CYLD: variants seen among roughly 807,000 people sequenced by gnomAD.
CYLD encodes the protein CYLD lysine 63 deubiquitinase.
A neutral mutation model predicts 104.5 loss-of-function variants in CYLD; 26 were observed. That is an observed-to-expected ratio of 0.25 (90% confidence interval 0.18 to 0.35). CYLD has a LOEUF of 0.35. Ranked by LOEUF, CYLD falls within the 10% of genes least tolerant of loss-of-function variation. The pLI, the probability that CYLD is intolerant of heterozygous loss-of-function variation, is 1.00. For synonymous variants in CYLD, 385 were observed against 399.9 expected (o/e 0.96, Z 0.45); for missense variants, 703 against 1,136.1 (o/e 0.62, Z 5.48).
chr16:50,774,745 C>T (rs968433953), intron 5 of CYLD, among the ~76,000 whole-genome samples: 2 of 152,144 alleles, frequency 1.3e-5, no homozygotes, highest in African/African-American at 2.4e-5. Flanking sequence ...TTAAAACTTA[C>T]GAATTGTCTG....
intron 7 of CYLD, among the ~76,000 whole-genome samples, chr16:50,776,852 G>C (rs904074814): frequency 6.6e-6 from 1 of 152,156 alleles, no homozygotes; most frequent in African/African-American, 2.4e-5. Flanking sequence ...ACTCAGATGC[G>C]AGTTAGGAAA....
rs1178441243 is a variant in CYLD at position 50,787,858 on chromosome 16, C to A, written c.2108+6C>A. The A allele has an allele frequency of 6.9e-7, 1 of 1,451,340 alleles. No homozygotes were observed. Among genetic ancestry groups the A allele is most frequent in the Non-Finnish European group, 9.6e-7 (1 of 1,037,018 alleles). 89.9% of individuals were successfully genotyped at this position (1,451,340 alleles called of 1,614,324 possible). On this transcript the variant is annotated splice_donor_region_variant and intron_variant, in intron 14 of 18. Transcript: ENST00000427738. ...GAACCTTTGCTAAAAATAAGGTAAC[C>A]TTTAAATTGTTCTAGAAGCATTGGA... is the stretch of plus-strand genomic sequence containing the variant.
chr16:50,790,237 A>G (rs1256862141), intron 14 of CYLD, among the ~76,000 whole-genome samples: 1 of 152,242 alleles, frequency 6.6e-6, no homozygotes, highest in Non-Finnish European at 1.5e-5. Context: ...TCAGTAAAAC[A>G]AAACTGAGTT....
At position 50,779,821 on chromosome 16, in the gene CYLD, G is replaced by A. The variant is rs772664801; in HGVS notation, c.1295G>A (p.Ser432Asn). ...SLTKMPNTNG[S>N]IGHSPLSLSA... ...ACCAAGATGCCCAATACCAATGGAA[G>A]TATTGGCCACAGTCCACTTTCTCTG... Residue 432 changes from serine (S) to asparagine (N), a missense_variant, in exon 9 of 19, where the codon AGT becomes AAT. Coordinates refer to ENST00000427738, the MANE Select transcript of CYLD (RefSeq NM_001378743.1). 19 of 1,613,472 alleles carry A rather than the reference G, an allele frequency of 1.2e-5. No individual in the cohort carries two copies. Among genetic ancestry groups the A allele is most frequent in the Non-Finnish European group, 2.5e-6 (3 of 1,179,946 alleles).
chr16:50,775,840 T>C (rs1567443070), intron 6 of CYLD, among the ~76,000 whole-genome samples: 1 of 152,180 alleles, frequency 6.6e-6, no homozygotes, highest in Non-Finnish European at 1.5e-5. Context: ...ATTTGGGAAA[T>C]GCTGTAAAAA....
intron 2 of CYLD, among the ~76,000 whole-genome samples, chr16:50,745,362 G>GTTTTTTTTTTTTTTTTTTTTT (rs535675323): frequency 1.3e-5 from 1 of 78,754 alleles, no homozygotes; most frequent in Non-Finnish European, 2.3e-5. Context: ...TTTCCTCTTT[G>GTTTTTTTTTTTTTTTTTTTTT]TTTTTTTTTT....
intron 5 of CYLD, among the ~76,000 whole-genome samples, chr16:50,760,454 A>C (rs1358656308): frequency 1.3e-5 from 2 of 152,110 alleles, no homozygotes; most frequent in Non-Finnish European, 2.9e-5. Context: ...CACTAGTCAC[A>C]GTTTTTATGA....
At chr16:50,782,941 T>TTTC (rs1970395400) in intron 11 of CYLD, among the ~76,000 whole-genome samples, 2 of 139,440 alleles carry the variant, frequency 1.4e-5, no homozygotes, top group African/African-American at 5.6e-5. Context: ...TTTTTTTTTT[T>TTTC]TGAGACAGAG....
chr16:50,754,870 C>T (rs933507228), intron 5 of CYLD, among the ~76,000 whole-genome samples: 10 of 139,084 alleles, frequency 7.2e-5, no homozygotes, highest in Non-Finnish European at 1.2e-4. Flanking sequence ...TACACACACA[C>T]ATATGTATAT....
chr16:50,751,858 T>C lies in CYLD; in HGVS notation c.759T>C (p.Asp253=), dbSNP rs372020998. ...AATCTGGAACAGTTATATTCTGTGA[T>C]GTTTTGCCAGGAAAAGAAAGCTTAG... ...TIESGTVIFC[D]VLPGKESLGY... The change falls in exon 4 of 19, where the codon GAT becomes GAC. Residue 253 remains aspartate, a synonymous_variant. Transcript: ENST00000427738. 1.9e-6 allele frequency: 3 copies of C among 1,613,076 alleles called. No individual in the cohort carries two copies. The highest frequency in any genetic ancestry group is 2.5e-6 in the Non-Finnish European group (3 of 1,179,446).
chr16:50,755,006 CAT>C (rs1329325289), intron 5 of CYLD, among the ~76,000 whole-genome samples: 16 of 10,894 alleles, frequency 1.5e-3, no homozygotes, highest in Admixed American at 2.6e-3. Flanking sequence ...TGTATATATA[CAT>C]ATATATGTAT....
intron 8 of CYLD, 86 bp downstream of exon 8, chr16:50,778,027 G>A (rs767188037): frequency 5.0e-6 from 4 of 800,220 alleles, no homozygotes; most frequent in Non-Finnish European, 8.7e-6. Flanking sequence ...AATATTTGTA[G>A]TTTTTGGAAA....
chr16:50,780,049 TTTAAC>T lies in CYLD; in HGVS notation c.1518+8_1518+12del, dbSNP rs1970063385. The T allele has an allele frequency of 1.2e-6, 2 of 1,613,952 alleles. No homozygotes were observed. Among genetic ancestry groups the T allele is most frequent in the Middle Eastern group, 3.3e-4 (2 of 6,062 alleles). On this transcript the variant is annotated splice_donor_region_variant and intron_variant, in intron 9 of 18. Coordinates refer to ENST00000427738, the MANE Select transcript of CYLD (RefSeq NM_001378743.1). Reference sequence around the variant, plus strand: ...GTGCTCGCTGGACTGGAACTGGTAATTTAACTTGACCCAAAAATTTCAATTTTTTT... The same window carrying T: ...GTGCTCGCTGGACTGGAACTGGTAATTTGACCCAAAAATTTCAATTTTTTT...
chr16:50,792,797 C>T (rs1242731043), intron 16 of CYLD, 92 bp downstream of exon 16: 1 of 707,906 alleles, frequency 1.4e-6, no homozygotes, highest in Non-Finnish European at 2.5e-6. Context: ...TAACTGGACA[C>T]AGTATTTCCC....
intron 8 of CYLD, 151 bp downstream of exon 8, chr16:50,778,092 T>A: frequency 1.6e-6 from 1 of 618,228 alleles, no homozygotes; most frequent in Admixed American, 2.8e-5. Flanking sequence ...TTGTACACAG[T>A]TTGAACCGTA....
intron 2 of CYLD, among the ~76,000 whole-genome samples, chr16:50,749,240 A>C (rs1966437341): frequency 6.6e-6 from 1 of 152,204 alleles, no homozygotes; most frequent in Non-Finnish European, 1.5e-5. Flanking sequence ...AAAAGTTAGA[A>C]TATGTATATA....
intron 15 of CYLD, among the ~76,000 whole-genome samples, chr16:50,792,147 A>G (rs1258872612): frequency 1.3e-5 from 2 of 152,234 alleles, no homozygotes; most frequent in Admixed American, 6.5e-5. Flanking sequence ...TAATTTTAAT[A>G]GTATATGCTT....
At chr16:50,786,657 G>C (rs1970861471) in intron 12 of CYLD, 198 bp from the exon 13 acceptor site, 2 of 518,438 alleles carry the variant, frequency 3.9e-6, no homozygotes, top group Non-Finnish European at 6.9e-6. Context: ...CTACTTTGGT[G>C]GCTGAGGCAT....
In CYLD at chr16:50,787,781, C is replaced by T. The variant is rs1190875882; in HGVS notation, c.2042-5C>T. 1 of 1,519,870 alleles carries T rather than the reference C, an allele frequency of 6.6e-7. No individual in the cohort carries two copies. The highest frequency in any genetic ancestry group is 9.1e-7 in the Non-Finnish European group (1 of 1,102,136). 94.1% of individuals were successfully genotyped at this position (1,519,870 alleles called of 1,614,324 possible). On this transcript the variant is annotated splice_region_variant and splice_polypyrimidine_tract_variant and intron_variant, in intron 13 of 18. Transcript: ENST00000427738. The stretch of plus-strand genomic sequence containing the variant: ...GACTTATTTGATTTTTAAATTTTCT[C>T]CTAGATCCTGAGGAATTCTTGAATA...
Sources: allele counts gnomAD v4.1 joint callset (sites outside exome capture counted in the v4.1 genomes callset), GRCh38; gene constraint gnomAD v4.1.1; transcripts MANE v1.5; gene names NCBI Gene and HGNC (gene_info 2026-07-23, HGNC 2026-07-21).